SHISA3: variants seen among roughly 807,000 people sequenced by gnomAD.
SHISA3 encodes shisa family member 3.
SHISA3 carries 15 observed loss-of-function variants against 19.2 expected under a neutral mutation model. The observed-to-expected ratio is 0.78, with a 90% confidence interval of 0.52 to 1.20. The LOEUF is 1.20. Ranked by LOEUF, SHISA3 falls within the 50% of genes most tolerant of loss-of-function variation. The pLI, the probability that SHISA3 is intolerant of heterozygous loss-of-function variation, is 0.00. For synonymous variants in SHISA3, 145 were observed against 135.2 expected (o/e 1.07, Z -0.50); for missense variants, 327 against 315.7 (o/e 1.04, Z -0.27).
rs1711781311 is a variant in SHISA3 at position 42,397,845 on chromosome 4, C to T, written c.-212C>T. The T allele has an allele frequency of 1.8e-5, 8 of 456,082 alleles. No homozygotes were observed. The South Asian group carries it at 2.5e-4, about 15-fold the overall frequency. The allele number at this position is 456,082 out of a possible 1,614,324, so 28.3% of individuals were successfully genotyped here. A position where few individuals can be genotyped will look rare whatever the true frequency, so the allele number is the denominator to read the frequency against. ...GGCCCTCGCCAACTCGCCCCGCGCA[C>T]CATGCTGACTCCCGGCCTGCGGAAC... On this transcript the variant is annotated 5_prime_UTR_variant, in exon 1 of 2. Coordinates refer to ENST00000319234, the MANE Select transcript of SHISA3 (RefSeq NM_001080505.3).
chr4:42,398,232 C>T lies in SHISA3; in HGVS notation c.176C>T (p.Ser59Phe). 2 of 1,585,376 alleles carry T rather than the reference C, an allele frequency of 1.3e-6. No individual in the cohort carries two copies. Among genetic ancestry groups the T allele is most frequent in the Non-Finnish European group, 8.6e-7 (1 of 1,166,302 alleles). Residue 59 changes from serine to phenylalanine, a missense_variant, in exon 1 of 2, where the codon TCC becomes TTC. Coordinates refer to ENST00000319234, the MANE Select transcript of SHISA3 (RefSeq NM_001080505.3). The part of the protein sequence containing the change: ...DTLDATICCG[S>F]CALRYCCAAA... ...CTGGACGCTACCATCTGCTGCGGCT[C>T]CTGCGCGCTCCGCTACTGTTGCGCC...
intron 1 of SHISA3, among the ~76,000 whole-genome samples, chr4:42,398,888 A>C (rs1215181294): frequency 6.6e-6 from 1 of 151,952 alleles, no homozygotes; most frequent in East Asian, 1.9e-4. Flanking sequence ...ACTTCCTTTC[A>C]ATTCTCTGCA....
chr4:42,398,362 C>G, intron 1 of SHISA3, 29 bp downstream of exon 1: 2 of 1,502,294 alleles, frequency 1.3e-6, no homozygotes, highest in Non-Finnish European at 1.8e-6. Context: ...GGGACATATC[C>G]CCGCCCGCCT....
At chr4:42,400,815 A>G (rs370330371) in intron 1 of SHISA3, among the ~76,000 whole-genome samples, 197 bp from the exon 2 acceptor site, 8 of 151,802 alleles carry the variant, frequency 5.3e-5, no homozygotes, top group African/African-American at 1.9e-4. Flanking sequence ...CCTCCCTGCT[A>G]GGAGTAGCGA....
chr4:42,398,439 G>A, intron 1 of SHISA3, 106 bp downstream of exon 1: 1 of 1,265,482 alleles, frequency 7.9e-7, no homozygotes, highest in South Asian at 1.6e-5. Flanking sequence ...CGCCTTCCTG[G>A]GTCTGTGCGC....
At position 42,401,310 on chromosome 4, in the gene SHISA3, G is replaced by A. The variant is rs368874056; in HGVS notation, c.576G>A (p.Pro192=). The change falls in exon 2 of 2, where the codon CCG becomes CCA. Residue 192 remains proline (P), a synonymous_variant. Coordinates refer to ENST00000319234, the MANE Select transcript of SHISA3 (RefSeq NM_001080505.3). ...RAEPGCLVPS[P]PPPYTTSHSI... is the part of the protein sequence containing the mutation. ...AGCCGGGCTGCCTGGTGCCCTCACC[G>A]CCCCCGCCATACACCACCAGCCACT... is the stretch of plus-strand genomic sequence containing the variant. 3 of 1,612,464 alleles carry A rather than the reference G, an allele frequency of 1.9e-6. No homozygotes were observed. Among genetic ancestry groups the A allele is most frequent in the East Asian group, 2.2e-5 (1 of 44,854 alleles).
In SHISA3 at chr4:42,398,158, G is replaced by A. The variant is rs771746182; in HGVS notation, c.102G>A (p.Val34=). The A allele has an allele frequency of 6.2e-7, 1 of 1,606,566 alleles. No homozygotes were observed. The highest frequency in any genetic ancestry group is 1.3e-5 in the African/African-American group (1 of 74,884). ...SGEYCHGWVD[V]QGNYHEGFQC... is the part of the protein sequence containing the mutation. ...AGTACTGCCACGGCTGGGTGGACGT[G>A]CAGGGCAACTACCACGAGGGCTTCC... Residue 34 remains valine, a synonymous_variant, in exon 1 of 2, where the codon GTG becomes GTA. Coordinates refer to ENST00000319234, the MANE Select transcript of SHISA3 (RefSeq NM_001080505.3).
intron 1 of SHISA3, 93 bp from the exon 2 acceptor site, chr4:42,400,919 C>T (rs1711891444): frequency 7.8e-7 from 1 of 1,288,994 alleles, no homozygotes; most frequent in African/African-American, 1.5e-5. Context: ...GTAACTGAGT[C>T]TCCCACCTCT....
chr4:42,402,110 A>C lies in SHISA3; in HGVS notation c.*659A>C, dbSNP rs1483883111. On this transcript the variant is annotated 3_prime_UTR_variant, in exon 2 of 2. Transcript: ENST00000319234. Reference sequence around the variant, plus strand: ...TATATACTCAGACATTCATTGTAACACAGAGTGTATGTAAAATCATTTCCC... The same window carrying C: ...TATATACTCAGACATTCATTGTAACCCAGAGTGTATGTAAAATCATTTCCC... The C allele has an allele frequency of 6.6e-6, 1 of 152,244 alleles. No homozygotes were observed. The highest frequency in any genetic ancestry group is 2.4e-5 in the African/African-American group (1 of 41,452). The allele number at this position is 152,244 out of a possible 1,614,324, so 9.4% of individuals were successfully genotyped here.
chr4:42,399,609 G>C (rs1056391164), intron 1 of SHISA3, among the ~76,000 whole-genome samples: 4 of 152,252 alleles, frequency 2.6e-5, no homozygotes, highest in African/African-American at 9.6e-5. Context: ...GGATGCCAGA[G>C]GACAGCAGAA....
intron 1 of SHISA3, among the ~76,000 whole-genome samples, chr4:42,399,069 C>T (rs990570924): frequency 6.6e-6 from 1 of 152,116 alleles, no homozygotes; most frequent in Admixed American, 6.5e-5. Context: ...AAATCACGAC[C>T]CCAGCAGAGA....
At chr4:42,399,403 G>A (rs894750082) in intron 1 of SHISA3, among the ~76,000 whole-genome samples, 14 of 152,316 alleles carry the variant, frequency 9.2e-5, no homozygotes, top group African/African-American at 3.4e-4. Context: ...CCAATCTAGA[G>A]GATTCTGGAA....
Position 42,402,242 on chromosome 4 carries a change from C to T in SHISA3, c.*791C>T, listed in dbSNP as rs1050068343. On this transcript the variant is annotated 3_prime_UTR_variant, in exon 2 of 2. Coordinates refer to ENST00000319234, the MANE Select transcript of SHISA3 (RefSeq NM_001080505.3). ...TTAAAACATTTATTTGTAAAATGAG[C>T]TATGTTCAAATGTAAATATTTGTAA... The T allele has an allele frequency of 6.6e-6, 1 of 152,094 alleles. No individual in the cohort carries two copies. Among genetic ancestry groups the T allele is most frequent in the Admixed American group, 6.5e-5 (1 of 15,278 alleles). The allele number at this position is 152,094 out of a possible 1,614,324, so 9.4% of individuals were successfully genotyped here. A position where few individuals can be genotyped will look rare whatever the true frequency, so the allele number is the denominator to read the frequency against.
Position 42,398,353 on chromosome 4 carries a change from G to C in SHISA3, c.277+20G>C. On this transcript the variant is annotated intron_variant, in intron 1 of 1. Transcript: ENST00000319234. The stretch of plus-strand genomic sequence containing the variant: ...CTGCGCGTAAGTGCGGGGCCCTCGG[G>C]GACATATCCCCGCCCGCCTAACGGC... 6.6e-7 allele frequency: 1 copy of C among 1,518,556 alleles called. No individual in the cohort carries two copies. Among genetic ancestry groups the C allele is most frequent in the Non-Finnish European group, 8.8e-7 (1 of 1,135,334 alleles). The allele number at this position is 1,518,556 out of a possible 1,614,324, so 94.1% of individuals were successfully genotyped here.
chr4:42,398,908 C>T (rs1192988597), intron 1 of SHISA3, among the ~76,000 whole-genome samples: 9 of 152,134 alleles, frequency 5.9e-5, no homozygotes, highest in African/African-American at 1.9e-4. Flanking sequence ...ATCGAATTAC[C>T]CTCTCCGGCC....
At position 42,401,600 on chromosome 4, in the gene SHISA3, T is replaced by A; in HGVS notation, c.*149T>A. 1.3e-6 allele frequency: 1 copy of A among 787,232 alleles called. No homozygotes were observed. The highest frequency in any genetic ancestry group is 1.9e-6 in the Non-Finnish European group (1 of 519,106). The allele number at this position is 787,232 out of a possible 1,614,324, so 48.8% of individuals were successfully genotyped here. On this transcript the variant is annotated 3_prime_UTR_variant, in exon 2 of 2. Transcript: ENST00000319234. Reference sequence around the variant, plus strand: ...TAGGAAAACACAGCACCTTCTAATTTGAAAGTTCCTGTCTCCAATCACAGA... The same window carrying A: ...TAGGAAAACACAGCACCTTCTAATTAGAAAGTTCCTGTCTCCAATCACAGA...
At chr4:42,398,510 T>C (rs891009609) in intron 1 of SHISA3, among the ~76,000 whole-genome samples, 177 bp downstream of exon 1, 1 of 152,160 alleles carries the variant, frequency 6.6e-6, no homozygotes, top group Non-Finnish European at 1.5e-5. Context: ...TTTCAGATCA[T>C]GGTCCTCTAT....
intron 1 of SHISA3, among the ~76,000 whole-genome samples, chr4:42,398,653 A>T (rs1711821246): frequency 6.6e-6 from 1 of 151,830 alleles, no homozygotes. Flanking sequence ...CTCCCGGGAG[A>T]AGGGTAGTGC....
chr4:42,401,317 C>A lies in SHISA3; in HGVS notation c.583C>A (p.Pro195Thr). The A allele has an allele frequency of 6.2e-7, 1 of 1,614,220 alleles. No individual in the cohort carries two copies. Residue 195 changes from proline to threonine, a missense_variant, in exon 2 of 2, where the codon CCA becomes ACA. Physicochemically the swap from Pro to Thr is conservative, Grantham distance 38. Coordinates refer to ENST00000319234, the MANE Select transcript of SHISA3 (RefSeq NM_001080505.3). Reference sequence around the variant, plus strand: ...CTGCCTGGTGCCCTCACCGCCCCCGCCATACACCACCAGCCACTCAATCCA... The same window carrying A: ...CTGCCTGGTGCCCTCACCGCCCCCGACATACACCACCAGCCACTCAATCCA... ...PGCLVPSPPP[P>T]YTTSHSIHLA...
Sources: gnomAD v4.1 joint callset for allele counts (sites outside exome capture counted in the v4.1 genomes callset) on GRCh38, gnomAD v4.1.1 for gene constraint, MANE v1.5 for transcripts, NCBI Gene and HGNC (gene_info 2026-07-23, HGNC 2026-07-21) for gene names.